The following TMEM165 variants were observed in gnomAD, a reference collection of about 807,000 sequenced individuals.
TMEM165 encodes putative divalent cation/proton antiporter TMEM165.
Under a neutral mutation model 30.0 loss-of-function variants are expected in TMEM165, and 19 were observed. That is an observed-to-expected ratio of 0.63 (90% confidence interval 0.44 to 0.93). TMEM165 has a LOEUF of 0.93. TMEM165 is among the 40% of genes least tolerant of loss of function. The pLI is 0.00. For missense variants in TMEM165, 340 were observed against 417.0 expected, an observed-to-expected ratio of 0.82 and a Z score of 1.61; for synonymous variants, 168 against 162.9, an observed-to-expected ratio of 1.03 and a Z score of -0.24.
chr4:55,395,963 A>G lies in TMEM165; in HGVS notation c.-227A>G. 1 of 366,466 alleles carries G rather than the reference A, an allele frequency of 2.7e-6. No individual in the cohort carries two copies. The allele number at this position is 366,466 out of a possible 1,614,324, so 22.7% of individuals were successfully genotyped here. ...CGCGCCGAGGCAGCTGGCTGACTCC[A>G]GTTTAGCCGCCGCCGGAGAGGACGG... On this transcript the variant is annotated 5_prime_UTR_variant, in exon 1 of 6. Transcript: ENST00000381334.
Position 55,396,194 on chromosome 4 carries a change from CG to C in TMEM165, c.7del (p.Ala3ProfsTer114), listed in dbSNP as rs1560383414. 1.4e-6 allele frequency: 2 copies of C among 1,415,338 alleles called. No individual in the cohort carries two copies. Among genetic ancestry groups the C allele is most frequent in the Admixed American group, 5.9e-5 (2 of 33,984 alleles). 87.7% of individuals were successfully genotyped at this position (1,415,338 alleles called of 1,614,324 possible). The stretch of plus-strand genomic sequence containing the variant: ...GCGGCCGGCCCGGCAGGCGGGATGG[CG>C]GCCGCGGCTCCAGGGAACGGCCGCG... M[A>X]AAAPGNGRAS... On this transcript the variant is annotated frameshift_variant, in exon 1 of 6. Transcript: ENST00000381334. LOFTEE classifies it high-confidence loss of function.
intron 3 of TMEM165, chr4:55,448,961 A>G: frequency 2.0e-6 from 2 of 1,013,526 alleles, no homozygotes; most frequent in Non-Finnish European, 3.0e-6. Context: ...CGTATTAATA[A>G]ACTTACCATT....
chr4:55,425,562 G>C lies in TMEM165; in HGVS notation c.*110G>C. On this transcript the variant is annotated 3_prime_UTR_variant, in exon 6 of 6. Coordinates refer to ENST00000381334, the MANE Select transcript of TMEM165 (RefSeq NM_018475.5). Reference sequence around the variant, plus strand: ...GAAAAATACTGTATTTTGTAGCACTGATTTTGTGAGTTTGACCCATTATTA... The same window carrying C: ...GAAAAATACTGTATTTTGTAGCACTCATTTTGTGAGTTTGACCCATTATTA... 1 of 822,738 alleles carries C rather than the reference G, an allele frequency of 1.2e-6. No individual in the cohort carries two copies. The highest frequency in any genetic ancestry group is 2.7e-5 in the East Asian group (1 of 37,328). 51.0% of individuals were successfully genotyped at this position (822,738 alleles called of 1,614,324 possible). A position where few individuals can be genotyped will look rare whatever the true frequency, so the allele number is the denominator to read the frequency against.
chr4:55,420,106 A>AAAAAAAAAAATATAT (rs1474254120), intron 4 of TMEM165, among the ~76,000 whole-genome samples: 5 of 45,422 alleles, frequency 1.1e-4, no homozygotes, highest in Non-Finnish European at 8.2e-5. Flanking sequence ...AAGAAAAAAA[A>AAAAAAAAAAATATAT]ATATATATAT....
intron 3 of TMEM165, among the ~76,000 whole-genome samples, chr4:55,443,080 G>A (rs1180470664): frequency 6.6e-6 from 1 of 152,090 alleles, no homozygotes; most frequent in Non-Finnish European, 1.5e-5. Context: ...AGGCTTCCTG[G>A]TCAGCCTCTT....
At chr4:55,433,099 T>C (rs748628030) in intron 3 of TMEM165, 2 of 152,594 alleles carry the variant, frequency 1.3e-5, no homozygotes, top group Admixed American at 6.5e-5. Context: ...AACTCAGATA[T>C]ATATGGAATG....
chr4:55,444,455 A>G (rs12647034), intron 3 of TMEM165, among the ~76,000 whole-genome samples: 88,362 of 151,524 alleles, frequency 0.58, 27,333 homozygotes, highest in South Asian at 0.81. Flanking sequence ...CCTCAGAAAC[A>G]AATTATCTTT....
At chr4:55,440,679 G>A (rs188795929) in intron 3 of TMEM165, among the ~76,000 whole-genome samples, 20 of 152,342 alleles carry the variant, frequency 1.3e-4, no homozygotes, top group African/African-American at 4.8e-4. Context: ...GAAGTACTAA[G>A]TGCTGATTTC....
At chr4:55,403,041 G>C (rs907537748) in intron 1 of TMEM165, among the ~76,000 whole-genome samples, 2 of 150,808 alleles carry the variant, frequency 1.3e-5, no homozygotes, top group East Asian at 2.0e-4. Context: ...CCGCCCGCCT[G>C]GGCCTCCCAA....
intron 1 of TMEM165, among the ~76,000 whole-genome samples, chr4:55,403,497 TC>T (rs762134523): frequency 0.02 from 2,875 of 143,320 alleles, 169 homozygotes; most frequent in African/African-American, 0.068. Context: ...TTTTTCTTTT[TC>T]TTTTTTTTTT....
chr4:55,445,587 T>A, intron 3 of TMEM165, among the ~76,000 whole-genome samples: 1 of 54,886 alleles, frequency 1.8e-5, no homozygotes, highest in Admixed American at 1.8e-4. Context: ...ATATTCTTTT[T>A]TTTTTTTTTT....
intron 3 of TMEM165, among the ~76,000 whole-genome samples, chr4:55,448,591 CGCACGCGCGCGTGTGTGTGTGTGT>C (rs1288814207): frequency 1.2e-5 from 1 of 81,048 alleles, no homozygotes; most frequent in African/African-American, 4.1e-5. Flanking sequence ...TGTGCGCGCG[CGCACGCGCGCGTGTGTGTGTGTGT>C]GTGTGTGTGT....
intron 4 of TMEM165, 199 bp from the exon 5 acceptor site, chr4:55,424,339 G>C: frequency 1.9e-6 from 1 of 519,288 alleles, no homozygotes; most frequent in Non-Finnish European, 3.4e-6. Flanking sequence ...CAACTTTTAG[G>C]TCTAGTCTTA....
At chr4:55,449,130 C>G (rs1724204315) in intron 3 of TMEM165, among the ~76,000 whole-genome samples, 1 of 150,952 alleles carries the variant, frequency 6.6e-6, no homozygotes, top group South Asian at 2.1e-4. Flanking sequence ...GGTATTTGAA[C>G]TTAGACATAA....
At chr4:55,404,124 A>G (rs575636519) in intron 1 of TMEM165, among the ~76,000 whole-genome samples, 42 of 147,182 alleles carry the variant, frequency 2.9e-4, no homozygotes, top group African/African-American at 1.0e-3. Flanking sequence ...GCACACTGCA[A>G]CCTCAGCCTT....
intron 3 of TMEM165, chr4:55,443,689 G>GT: frequency 6.2e-7 from 1 of 1,613,110 alleles, no homozygotes; most frequent in Non-Finnish European, 8.5e-7. Context: ...AACATTACCT[G>GT]AGTTGATGTA....
At chr4:55,422,656 AT>A (rs562102837) in intron 4 of TMEM165, among the ~76,000 whole-genome samples, 11 of 147,588 alleles carry the variant, frequency 7.5e-5, no homozygotes, top group Admixed American at 4.7e-4. Flanking sequence ...TTATTTATTT[AT>A]TTTTTTTTTG....
chr4:55,400,244 T>TATGATA (rs373799012), intron 1 of TMEM165, among the ~76,000 whole-genome samples: 3 of 93,784 alleles, frequency 3.2e-5, no homozygotes, highest in Non-Finnish European at 5.5e-5. Flanking sequence ...ATGTAATTAA[T>TATGATA]ATTATATTAT....
Position 55,411,599 on chromosome 4 carries a change from A to AT in TMEM165, c.208-5dup, listed in dbSNP as rs770787680. 4,304 of 1,452,596 alleles carry AT rather than the reference A, an allele frequency of 3.0e-3. No homozygotes were observed. The highest frequency in any genetic ancestry group is 3.5e-3 in the Non-Finnish European group (3,694 of 1,057,452). 90.0% of individuals were successfully genotyped at this position (1,452,596 alleles called of 1,614,324 possible). A position where few individuals can be genotyped will look rare whatever the true frequency, so the allele number is the denominator to read the frequency against. On this transcript the variant is annotated splice_polypyrimidine_tract_variant and intron_variant, in intron 1 of 5. Coordinates refer to ENST00000381334, the MANE Select transcript of TMEM165 (RefSeq NM_018475.5). ...GAATAATGATTTTAAGAAGTAACTG[A>AT]TTTTTTTTTTCCAGAAAATATTTAC... is the stretch of plus-strand genomic sequence containing the variant.
Sources: allele counts gnomAD v4.1 joint callset (sites outside exome capture counted in the v4.1 genomes callset), GRCh38; gene constraint gnomAD v4.1.1; transcripts MANE v1.5; gene names NCBI Gene and HGNC (gene_info 2026-07-23, HGNC 2026-07-21).